Variants in WDR27 observed in about 807,000 individuals in gnomAD.
WDR27 encodes WD repeat-containing protein 27.
A neutral mutation model predicts 114.4 loss-of-function variants in WDR27; 100 were observed. That is an observed-to-expected ratio of 0.87 (90% CI 0.74 to 1.03). WDR27 has a LOEUF of 1.03. Among genes scored for constraint, WDR27 ranks in the 50% least tolerant of loss-of-function variants. WDR27 has a pLI of 0.00. For synonymous variants in WDR27, 449 were observed against 423.1 expected, an observed-to-expected ratio of 1.06 and a Z score of -0.75; for missense variants, 1,129 against 1,092.9, an observed-to-expected ratio of 1.03 and a Z score of -0.47.
chr6:169,674,833 G>T (rs1465874252), intron 2 of WDR27, among the ~76,000 whole-genome samples: 1 of 152,214 alleles, frequency 6.6e-6, no homozygotes, highest in Admixed American at 6.5e-5. Context: ...AGTCCGAAAA[G>T]AGAGTTAGCA....
At chr6:169,576,627 TG>T (rs1802381796) in intron 24 of WDR27, among the ~76,000 whole-genome samples, 2 of 151,250 alleles carry the variant, frequency 1.3e-5, no homozygotes, top group Admixed American at 6.6e-5. Context: ...ATGAGCCAGG[TG>T]GGGTGGTGCA....
chr6:169,701,382 CATAATTAACGAG>C (rs1787985869), intron 1 of WDR27, among the ~76,000 whole-genome samples, 157 bp downstream of exon 1: 1 of 152,160 alleles, frequency 6.6e-6, no homozygotes, highest in Non-Finnish European at 1.5e-5. Flanking sequence ...GCCAGTGGGG[CATAATTAACGAG>C]CCCTCAGGGT....
intron 24 of WDR27, among the ~76,000 whole-genome samples, chr6:169,575,293 CCTCT>C (rs375597287): frequency 0.048 from 5,332 of 110,730 alleles, 505 homozygotes; most frequent in South Asian, 0.22. Flanking sequence ...TCCCTCCCTC[CCTCT>C]CTCCATCCAT....
At chr6:169,479,695 T>C (rs1159604318) in intron 25 of WDR27, among the ~76,000 whole-genome samples, 1 of 152,260 alleles carries the variant, frequency 6.6e-6, no homozygotes, top group East Asian at 1.9e-4. Flanking sequence ...CAGCATTCTG[T>C]CAATCATGAA....
intron 25 of WDR27, among the ~76,000 whole-genome samples, chr6:169,471,705 T>C (rs1786416708): frequency 6.6e-6 from 1 of 152,208 alleles, no homozygotes; most frequent in African/African-American, 2.4e-5. Context: ...TCGTAAGACA[T>C]TGTTAGTTTT....
intron 23 of WDR27, among the ~76,000 whole-genome samples, chr6:169,589,350 A>T (rs1448187296): frequency 6.6e-6 from 1 of 152,206 alleles, no homozygotes; most frequent in Non-Finnish European, 1.5e-5. Context: ...AGCACTATGA[A>T]GAAAACACTT....
chr6:169,624,055 T>C (rs2128203844), intron 21 of WDR27, among the ~76,000 whole-genome samples: 1 of 151,904 alleles, frequency 6.6e-6, no homozygotes, highest in Non-Finnish European at 1.5e-5. Context: ...TGGGGTCAGG[T>C]GTGCCGTGTG....
intron 12 of WDR27, among the ~76,000 whole-genome samples, chr6:169,658,779 G>A (rs541501197): frequency 1.3e-5 from 2 of 151,890 alleles, no homozygotes; most frequent in South Asian, 4.2e-4. Flanking sequence ...CGCCTCCCGG[G>A]TTCCCACCAT....
chr6:169,506,652 C>T (rs1238056761), intron 25 of WDR27, among the ~76,000 whole-genome samples: 2 of 152,196 alleles, frequency 1.3e-5, no homozygotes, highest in Non-Finnish European at 2.9e-5. Flanking sequence ...ATTAGCTGTA[C>T]ACCTACATTT....
chr6:169,688,844 T>C lies in WDR27; in HGVS notation c.162A>G (p.Ile54Met), dbSNP rs1427372922. 1 of 1,611,262 alleles carries C rather than the reference T, an allele frequency of 6.2e-7. No homozygotes were observed. Among genetic ancestry groups the C allele is most frequent in the Non-Finnish European group, 8.5e-7 (1 of 1,178,946 alleles). The change falls in exon 2 of 26, where the codon ATA becomes ATG. Residue 54 changes from isoleucine (I) to methionine (M), a missense_variant. By Grantham distance (10) the Ile-to-Met change is conservative (BLOSUM62 1). Coordinates refer to ENST00000448612, the MANE Select transcript of WDR27 (RefSeq NM_182552.5). Reference protein sequence around the residue: ...AFPLDGTELCIWNTKDPSHQL... With the variant: ...AFPLDGTELCMWNTKDPSHQL... Reference sequence around the variant, plus strand: ...GATGAGAAGGATCCTTAGTGTTCCATATACAAAGTTCAGTTCCATCCAAAG... The same window carrying C: ...GATGAGAAGGATCCTTAGTGTTCCACATACAAAGTTCAGTTCCATCCAAAG...
chr6:169,511,722 T>A lies in WDR27; in HGVS notation c.2646-54088A>T, dbSNP rs923638217. The stretch of plus-strand genomic sequence containing the variant: ...AAAAAAAATATTTGCCAACTCTTGC[T>A]CTAGATAATATCTGAGTACCCAAAT... On this transcript the variant is annotated intron_variant, in intron 25 of 25. Transcript: ENST00000448612. Among the ~76,000 whole-genome samples, 3 of 152,176 alleles carry A rather than the reference T, an allele frequency of 2.0e-5. No homozygotes were observed. In the East Asian group the frequency reaches 5.8e-4, roughly 29 times the overall value.
chr6:169,675,941 T>G (rs1779977640), intron 2 of WDR27, among the ~76,000 whole-genome samples: 1 of 152,204 alleles, frequency 6.6e-6, no homozygotes, highest in Admixed American at 6.5e-5. Flanking sequence ...CAAGAGACTT[T>G]GCAAGGCAAT....
chr6:169,646,746 T>TG (rs1584872584), intron 16 of WDR27, among the ~76,000 whole-genome samples: 1 of 119,960 alleles, frequency 8.3e-6, no homozygotes, highest in East Asian at 4.6e-4. Flanking sequence ...AGTCTCTGTC[T>TG]CAAAAAAAAA....
At chr6:169,648,052 CT>C (rs1270538716) in intron 15 of WDR27, among the ~76,000 whole-genome samples, 182 bp from the exon 16 acceptor site, 1 of 152,148 alleles carries the variant, frequency 6.6e-6, no homozygotes, top group Non-Finnish European at 1.5e-5. Flanking sequence ...GGAAATAACT[CT>C]TTTAAATAGA....
intron 25 of WDR27, among the ~76,000 whole-genome samples, chr6:169,513,128 G>A (rs759938217): frequency 6.6e-6 from 1 of 152,050 alleles, no homozygotes; most frequent in Non-Finnish European, 1.5e-5. Flanking sequence ...TTCGTGTTGT[G>A]CTGACAGCAG....
chr6:169,501,676 C>A (rs1326679299), intron 25 of WDR27, among the ~76,000 whole-genome samples: 1 of 150,910 alleles, frequency 6.6e-6, no homozygotes, highest in Non-Finnish European at 1.5e-5. Context: ...TCTGTTGTGA[C>A]TGGGGTCTTG....
At chr6:169,676,429 A>G (rs1374796903) in intron 2 of WDR27, among the ~76,000 whole-genome samples, 1 of 152,114 alleles carries the variant, frequency 6.6e-6, no homozygotes, top group African/African-American at 2.4e-5. Context: ...AAATATGTTA[A>G]CTCCAATTAT....
chr6:169,545,948 G>C (rs772917436), intron 25 of WDR27, among the ~76,000 whole-genome samples: 16 of 151,700 alleles, frequency 1.1e-4, no homozygotes, highest in Non-Finnish European at 2.2e-4. Context: ...AAAGAAAAAG[G>C]GTAAGCGATA....
At chr6:169,599,397 T>C (rs1453962684) in intron 23 of WDR27, among the ~76,000 whole-genome samples, 1 of 152,216 alleles carries the variant, frequency 6.6e-6, no homozygotes, top group African/African-American at 2.4e-5. Context: ...TTATGGACTT[T>C]TTTTGGTTGG....
Sources: gnomAD v4.1 joint callset for allele counts (sites outside exome capture counted in the v4.1 genomes callset) on GRCh38, gnomAD v4.1.1 for gene constraint, MANE v1.5 for transcripts, NCBI Gene and HGNC (gene_info 2026-07-23, HGNC 2026-07-21) for gene names.